The following TCF4 variants were observed in gnomAD, a reference collection of about 807,000 sequenced individuals.
TCF4 encodes the protein SL3-3 enhancer factor 2.
TCF4 carries 3 observed loss-of-function variants against 82.1 expected under a neutral mutation model. The observed-to-expected ratio is 0.04, with a 90% confidence interval of 0.02 to 0.09. TCF4 has a LOEUF of 0.09. Among genes scored for constraint, TCF4 ranks in the 10% least tolerant of loss-of-function variants. The pLI is 1.00. For synonymous variants in TCF4, 276 were observed against 309.6 expected (o/e 0.89, Z 1.14); for missense variants, 518 against 852.7 (o/e 0.61, Z 4.89).
chr18:55,325,838 T>C (rs1234905414), intron 8 of TCF4, among the ~76,000 whole-genome samples: 1 of 152,220 alleles, frequency 6.6e-6, no homozygotes, highest in Non-Finnish European at 1.5e-5. Context: ...TAATATACAA[T>C]GATTACATAA....
intron 5 of TCF4, among the ~76,000 whole-genome samples, chr18:55,431,860 G>GT (rs1231182939): frequency 2.2e-4 from 34 of 152,264 alleles, no homozygotes; most frequent in African/African-American, 5.1e-4. Context: ...GATAACTAAT[G>GT]TCGGGGGGGT....
chr18:55,500,600 C>T (rs1019483698), intron 3 of TCF4, among the ~76,000 whole-genome samples: 1 of 152,132 alleles, frequency 6.6e-6, no homozygotes, highest in Non-Finnish European at 1.5e-5. Flanking sequence ...CTCTATTAAA[C>T]AGTACAGATA....
At chr18:55,332,481 G>A (rs1400090496) in intron 8 of TCF4, among the ~76,000 whole-genome samples, 3 of 152,128 alleles carry the variant, frequency 2.0e-5, no homozygotes, top group African/African-American at 7.2e-5. Flanking sequence ...ACATAATTTA[G>A]GATGCACTTG....
chr18:55,466,788 C>T (rs1403053635), intron 3 of TCF4, among the ~76,000 whole-genome samples: 1 of 152,112 alleles, frequency 6.6e-6, no homozygotes, highest in East Asian at 1.9e-4. Context: ...TAAAACACAT[C>T]AACACTTGAG....
At chr18:55,569,697 GA>G (rs2097443468) in intron 3 of TCF4, among the ~76,000 whole-genome samples, 1 of 151,950 alleles carries the variant, frequency 6.6e-6, no homozygotes, top group Admixed American at 6.6e-5. Flanking sequence ...ACTTCATGGA[GA>G]AAATTATAAA....
intron 14 of TCF4, among the ~76,000 whole-genome samples, chr18:55,255,904 A>G (rs1208722864): frequency 1.3e-5 from 2 of 152,138 alleles, no homozygotes; most frequent in East Asian, 3.8e-4. Context: ...GAGAAAAAAC[A>G]TTTCTATTTT....
intron 5 of TCF4, chr18:55,403,911 A>T (rs889132709): frequency 7.2e-5 from 102 of 1,423,620 alleles, no homozygotes; most frequent in Non-Finnish European, 9.1e-5. Flanking sequence ...GATTATATTG[A>T]CACTTAATAG....
rs577987485 is a variant in TCF4 at position 55,564,008 on chromosome 18, T to A, written c.145+21272A>T. Among the ~76,000 whole-genome samples the A allele has an allele frequency of 1.3e-4, 20 of 152,364 alleles. No individual in the cohort carries two copies. In the South Asian group the frequency reaches 4.1e-3, roughly 32 times the overall value. On this transcript the variant is annotated intron_variant, in intron 3 of 19. Coordinates refer to ENST00000354452, the MANE Select transcript of TCF4 (RefSeq NM_001083962.2). ...ATTCAAAATATGTATGTTTATGGAA[T>A]CATTTATTAAGCAAATTCAGCACGC...
chr18:55,586,742 T>A (rs1485236750), intron 2 of TCF4, among the ~76,000 whole-genome samples: 1 of 151,976 alleles, frequency 6.6e-6, no homozygotes, highest in African/African-American at 2.4e-5. Flanking sequence ...TTAGGGGTGG[T>A]TTAGTTTTAG....
At chr18:55,439,225 A>G (rs1265982089) in intron 5 of TCF4, among the ~76,000 whole-genome samples, 1 of 152,184 alleles carries the variant, frequency 6.6e-6, no homozygotes, top group Non-Finnish European at 1.5e-5. Flanking sequence ...GCAACAAACA[A>G]GGAGTTTTGT....
chr18:55,505,356 T>C (rs1033485972), intron 3 of TCF4, among the ~76,000 whole-genome samples: 1 of 152,050 alleles, frequency 6.6e-6, no homozygotes, highest in Non-Finnish European at 1.5e-5. Flanking sequence ...CAACAATACA[T>C]AATAATGACA....
chr18:55,447,393 T>A (rs555824552), intron 5 of TCF4, among the ~76,000 whole-genome samples: 10 of 152,150 alleles, frequency 6.6e-5, no homozygotes, highest in Non-Finnish European at 7.4e-5. Flanking sequence ...ATGGATTATT[T>A]CCCCAACTCT....
chr18:55,313,555 T>G (rs1047925715), intron 8 of TCF4, among the ~76,000 whole-genome samples: 1 of 151,958 alleles, frequency 6.6e-6, no homozygotes, highest in African/African-American at 2.4e-5. Flanking sequence ...AACTCAAAAT[T>G]TAAAAAAGAA....
intron 3 of TCF4, among the ~76,000 whole-genome samples, chr18:55,471,191 AC>A (rs1230284963): frequency 6.6e-6 from 1 of 152,226 alleles, no homozygotes; most frequent in African/African-American, 2.4e-5. Flanking sequence ...AAATTTGAGT[AC>A]TATTACAGAC....
upstream of TCF4, among the ~76,000 whole-genome samples, chr18:55,592,353 A>G (rs2147927815): frequency 6.6e-6 from 1 of 152,212 alleles, no homozygotes; most frequent in East Asian, 1.9e-4. Context: ...GTCATGGTCA[A>G]GTTCTGGAGA....
chr18:55,591,561 A>G (rs2147925776), upstream of TCF4, among the ~76,000 whole-genome samples: 1 of 152,312 alleles, frequency 6.6e-6, no homozygotes, highest in East Asian at 1.9e-4. Flanking sequence ...CTTGTTGCCC[A>G]GGCTGGAGTG....
rs574512845 is a variant in TCF4, at chr18:55,383,737, C to T, written c.369+19717G>A. 1.1e-4 allele frequency among the ~76,000 whole-genome samples: 17 copies of T among 152,320 alleles called. No individual in the cohort carries two copies. In the South Asian group the frequency reaches 2.9e-3, roughly 26 times the overall value. ...CTGCATAAGAGATTCTGGAATCTTACGCTAAAAGGGCAGTGTCAGGCCTGG... is the reference window on the plus strand; with the variant it reads ...CTGCATAAGAGATTCTGGAATCTTATGCTAAAAGGGCAGTGTCAGGCCTGG... On this transcript the variant is annotated intron_variant, in intron 6 of 19. Transcript: ENST00000354452.
intron 15 of TCF4, among the ~76,000 whole-genome samples, chr18:55,239,441 G>C (rs1011272698): frequency 6.6e-6 from 1 of 152,148 alleles, no homozygotes; most frequent in Non-Finnish European, 1.5e-5. Flanking sequence ...TTATATAGGA[G>C]AGGGGAGGAG....
At chr18:55,317,533 G>T (rs1285430649) in intron 8 of TCF4, among the ~76,000 whole-genome samples, 1 of 151,758 alleles carries the variant, frequency 6.6e-6, no homozygotes, top group Non-Finnish European at 1.5e-5. Flanking sequence ...GTGAGGTTTG[G>T]GGGGAAAAAA....
Sources: gnomAD v4.1 joint callset for allele counts (sites outside exome capture counted in the v4.1 genomes callset) on GRCh38, gnomAD v4.1.1 for gene constraint, MANE v1.5 for transcripts, NCBI Gene and HGNC (gene_info 2026-07-23, HGNC 2026-07-21) for gene names.